The following TESC variants were observed in gnomAD, a reference collection of about 807,000 sequenced individuals.
The protein encoded by TESC is calcineurin B homologous protein 3.
TESC carries 19 observed loss-of-function variants against 31.0 expected under a neutral mutation model. The ratio of observed to expected loss-of-function variants is 0.61; its 90% CI spans 0.43 to 0.90. TESC has a LOEUF of 0.90. Ranked by LOEUF, TESC falls within the 40% of genes least tolerant of loss-of-function variation. TESC has a pLI of 0.00. For missense variants in TESC, 248 were observed against 303.8 expected, an observed-to-expected ratio of 0.82 and a Z score of 1.36; for synonymous variants, 109 against 114.8, an observed-to-expected ratio of 0.95 and a Z score of 0.32.
chr12:117,066,816 T>C (rs1425211670), intron 2 of TESC, among the ~76,000 whole-genome samples: 1 of 152,124 alleles, frequency 6.6e-6, no homozygotes, highest in East Asian at 1.9e-4. Flanking sequence ...TCCTCAGCTC[T>C]AAAACCCATC....
chr12:117,041,919 C>A, intron 7 of TESC, 28 bp downstream of exon 7: 1 of 1,569,158 alleles, frequency 6.4e-7, no homozygotes, highest in East Asian at 2.4e-5. Flanking sequence ...CAAGGGTCCC[C>A]CGAGGCTCCC....
Position 117,039,200 on chromosome 12 carries a change from C to T in TESC, c.578G>A (p.Gly193Glu), listed in dbSNP as rs1174154937. 18 of 1,613,606 alleles carry T rather than the reference C, an allele frequency of 1.1e-5. No homozygotes were observed. Among genetic ancestry groups the T allele is most frequent in the Non-Finnish European group, 1.5e-5 (18 of 1,179,878 alleles). The change falls in exon 8 of 8, where the codon GGG becomes GAG. Residue 193 changes from glycine (G) to glutamate (E), a missense_variant. Transcript: ENST00000335209. ...TFEDFLKIWQ[G>E]IDIETKMHVR... ...GTGCATCTTGGTCTCAATGTCGATC[C>T]CCTGCCAGATCTGGAAGGGACGGAG...
intron 1 of TESC, among the ~76,000 whole-genome samples, chr12:117,076,740 G>A (rs548874064): frequency 3.3e-5 from 5 of 152,230 alleles, no homozygotes; most frequent in African/African-American, 9.6e-5. Flanking sequence ...CATCACGCCC[G>A]GCCGTTATCT....
intron 3 of TESC, among the ~76,000 whole-genome samples, chr12:117,050,200 C>T (rs1954628492): frequency 2.0e-5 from 3 of 152,112 alleles, no homozygotes; most frequent in Admixed American, 2.0e-4. Flanking sequence ...ATTCAAATGT[C>T]AGTGTCCATA....
At chr12:117,075,891 A>ATGTGTGTG (rs1261411652) in intron 1 of TESC, among the ~76,000 whole-genome samples, 3 of 69,124 alleles carry the variant, frequency 4.3e-5, no homozygotes, top group Non-Finnish European at 8.1e-5. Flanking sequence ...ATATATATAT[A>ATGTGTGTG]TATATATATA....
chr12:117,047,498 C>G (rs941052584), intron 4 of TESC, among the ~76,000 whole-genome samples: 5 of 152,086 alleles, frequency 3.3e-5, no homozygotes, highest in African/African-American at 1.2e-4. Flanking sequence ...GATCTGGGCT[C>G]TCTGCAACCT....
At chr12:117,099,098 G>C in intron 1 of TESC, 127 bp downstream of exon 1, 5 of 1,018,788 alleles carry the variant, frequency 4.9e-6, no homozygotes, top group Non-Finnish European at 6.6e-6. Flanking sequence ...AAGAGGAGGA[G>C]ACTGAGGCGC....
chr12:117,084,694 A>G (rs975649255), intron 1 of TESC, among the ~76,000 whole-genome samples: 4 of 152,160 alleles, frequency 2.6e-5, no homozygotes, highest in African/African-American at 7.2e-5. Flanking sequence ...GCAGGCCTGA[A>G]ATCCACCCTG....
rs933243321 is a variant in TESC at position 117,099,225 on chromosome 12, A to G, written c.58T>C (p.Phe20Leu). 4 of 1,482,696 alleles carry G rather than the reference A, an allele frequency of 2.7e-6. No individual in the cohort carries two copies. The highest frequency in any genetic ancestry group is 3.6e-6 in the Non-Finnish European group (4 of 1,124,282). 91.8% of individuals were successfully genotyped at this position (1,482,696 alleles called of 1,614,324 possible). ...EVRELEGKTGFSSDQIEQLHR... is the reference protein window; with the variant it reads ...EVRELEGKTGLSSDQIEQLHR... ...CGCGCCGCCCCCCGCGGGTACTCAC[A>G]GCCGGTCTTGCCCTCGAGCTCCCGC... The change falls in exon 1 of 8, where the codon TTC becomes CTC. Residue 20 changes from phenylalanine to leucine, a missense_variant and splice_region_variant. Transcript: ENST00000335209.
chr12:117,072,346 G>C (rs1267544092), intron 2 of TESC, among the ~76,000 whole-genome samples: 1 of 152,134 alleles, frequency 6.6e-6, no homozygotes, highest in African/African-American at 2.4e-5. Flanking sequence ...GCCTCCCAAA[G>C]TGCTGAGATT....
rs534130928 is a variant in TESC, at chr12:117,070,506, C to T, written c.128+4765G>A. Among the ~76,000 whole-genome samples the T allele has an allele frequency of 3.9e-4, 60 of 152,200 alleles. 1 individual carries two copies. The South Asian group carries it at 0.012, about 30-fold the overall frequency. On this transcript the variant is annotated intron_variant, in intron 2 of 7. Coordinates refer to ENST00000335209, the MANE Select transcript of TESC (RefSeq NM_017899.4). ...AGCTCTGAGACCAAGGCAGTGGTGACGGGAATTATAAACGCACCTCCCCCA... is the reference window on the plus strand; with the variant it reads ...AGCTCTGAGACCAAGGCAGTGGTGATGGGAATTATAAACGCACCTCCCCCA...
At chr12:117,095,040 G>C (rs894946016) in intron 1 of TESC, among the ~76,000 whole-genome samples, 8 of 150,404 alleles carry the variant, frequency 5.3e-5, no homozygotes, top group African/African-American at 2.0e-4. Flanking sequence ...AAGAGAGAGA[G>C]ACAAGGTTAA....
chr12:117,051,753 A>G lies in TESC; in HGVS notation c.210-2595T>C, dbSNP rs117158511. Among the ~76,000 whole-genome samples, 1,243 of 152,132 alleles carry G rather than the reference A, an allele frequency of 8.2e-3. 15 individuals carry two copies. Among genetic ancestry groups the G allele is most frequent in the South Asian group, 0.039 (190 of 4,816 alleles). On this transcript the variant is annotated intron_variant, in intron 3 of 7. Transcript: ENST00000335209. ...CTTCTCTGGGAACCTTGTGACCGGC[A>G]CTGCTTCAGCCTCAGGACCCAACTC...
intron 1 of TESC, among the ~76,000 whole-genome samples, chr12:117,095,199 C>T (rs551438892): frequency 4.6e-5 from 7 of 151,894 alleles, no homozygotes; most frequent in Admixed American, 6.6e-5. Flanking sequence ...CTCAGCCTCC[C>T]GAGTAGCTGG....
chr12:117,048,600 A>G (rs1046824768), intron 4 of TESC: 128 of 416,726 alleles, frequency 3.1e-4, no homozygotes, highest in African/African-American at 2.1e-3. Context: ...GAGGAAACTG[A>G]CTTTAGGGAG....
At chr12:117,078,871 C>T (rs1421055930) in intron 1 of TESC, among the ~76,000 whole-genome samples, 1 of 152,132 alleles carries the variant, frequency 6.6e-6, no homozygotes, top group Non-Finnish European at 1.5e-5. Flanking sequence ...TGAAGTTTTT[C>T]AGCCTACAAC....
chr12:117,074,681 A>G (rs1010349822), intron 2 of TESC, among the ~76,000 whole-genome samples: 4 of 152,142 alleles, frequency 2.6e-5, no homozygotes, highest in Admixed American at 1.3e-4. Flanking sequence ...GGACCTCCAT[A>G]TGTGTCTGAG....
At chr12:117,055,420 G>A (rs1954706526) in intron 3 of TESC, among the ~76,000 whole-genome samples, 1 of 152,146 alleles carries the variant, frequency 6.6e-6, no homozygotes, top group Non-Finnish European at 1.5e-5. Context: ...TGGGATTACA[G>A]TTGTGAGCCG....
chr12:117,056,751 T>C (rs1031757891), intron 3 of TESC, 55 bp downstream of exon 3: 2 of 1,558,538 alleles, frequency 1.3e-6, no homozygotes, highest in Non-Finnish European at 1.8e-6. Flanking sequence ...TATCCCGAGA[T>C]GTTACACAAG....
Sources: gnomAD v4.1 joint callset for allele counts (sites outside exome capture counted in the v4.1 genomes callset) on GRCh38, gnomAD v4.1.1 for gene constraint, MANE v1.5 for transcripts, NCBI Gene and HGNC (gene_info 2026-07-23, HGNC 2026-07-21) for gene names.